Variants in REM1 observed in about 807,000 individuals in gnomAD.
REM1 encodes RRAD and GEM like GTPase 1, also known as GTP-binding protein REM 1.
In REM1, 20 loss-of-function variants were observed where a neutral mutation model predicts 27.0. The observed-to-expected ratio is 0.74, with a 90% CI of 0.52 to 1.08. The LOEUF (loss-of-function observed/expected upper bound fraction) is 1.08, where lower values mean the gene tolerates loss of function less well. Among genes scored for constraint, REM1 ranks in the 50% least tolerant of loss-of-function variants. The probability of loss-of-function intolerance (pLI) is 0.00; values close to 1 mark genes in which losing one functional copy is unlikely to be tolerated. For synonymous variants in REM1, 159 were observed against 167.9 expected, an observed-to-expected ratio of 0.95 and a Z score of 0.41; for missense variants, 405 against 407.0, an observed-to-expected ratio of 1.00 and a Z score of 0.04.
intron 3 of REM1, among the ~76,000 whole-genome samples, chr20:31,481,996 G>A (rs1246656023): frequency 6.6e-6 from 1 of 152,182 alleles, no homozygotes; most frequent in Non-Finnish European, 1.5e-5. Flanking sequence ...GCAGGAACAG[G>A]AACCAAGTAA....
rs1194665675 is a variant in REM1 at position 31,476,312 on chromosome 20, G to A, written c.-134G>A. ...CCTCCTACTCCCATCTGAACAAGAGGGGGATCTGGAAGAAGCCATACAGCA... is the reference window on the plus strand; with the variant it reads ...CCTCCTACTCCCATCTGAACAAGAGAGGGATCTGGAAGAAGCCATACAGCA... On this transcript the variant is annotated 5_prime_UTR_variant, in exon 2 of 5. Transcript: ENST00000201979. 1 of 726,290 alleles carries A rather than the reference G, an allele frequency of 1.4e-6. No individual in the cohort carries two copies. Among genetic ancestry groups the A allele is most frequent in the African/African-American group, 1.8e-5 (1 of 56,228 alleles). 45.0% of individuals were successfully genotyped at this position (726,290 alleles called of 1,614,324 possible). A position where few individuals can be genotyped will look rare whatever the true frequency, so the allele number is the denominator to read the frequency against.
Position 31,476,693 on chromosome 20 carries a change from T to C in REM1, c.248T>C (p.Val83Ala). Residue 83 changes from valine to alanine, a missense_variant, in exon 2 of 5, where the codon GTG becomes GCG. Physicochemically the swap from Val to Ala is moderately conservative, Grantham distance 64. Coordinates refer to ENST00000201979, the MANE Select transcript of REM1 (RefSeq NM_014012.6). ...SEGSWEALYR[V>A]VLLGDPGVGK... ...GGCTCCTGGGAGGCTCTCTACCGTG[T>C]GGTGCTACTTGGAGATCCTGGAGTG... 1 of 1,614,054 alleles carries C rather than the reference T, an allele frequency of 6.2e-7. No individual in the cohort carries two copies. The highest frequency in any genetic ancestry group is 8.5e-7 in the Non-Finnish European group (1 of 1,179,986).
At chr20:31,478,833 TC>T (rs1568762151) in intron 3 of REM1, among the ~76,000 whole-genome samples, 1 of 151,280 alleles carries the variant, frequency 6.6e-6, no homozygotes, top group Non-Finnish European at 1.5e-5. Context: ...TAGATCTTAT[TC>T]TTTTTTTTTT....
intron 4 of REM1, among the ~76,000 whole-genome samples, chr20:31,483,649 A>C (rs1394292508): frequency 1.3e-5 from 2 of 152,102 alleles, no homozygotes; most frequent in Non-Finnish European, 2.9e-5. Flanking sequence ...TAAAATCTAA[A>C]AAAATGTGTA....
Position 31,476,520 on chromosome 20 carries a change from A to C in REM1, c.75A>C (p.Pro25=). The change falls in exon 2 of 5, where the codon CCA becomes CCC. Residue 25 remains proline (P), a synonymous_variant. Coordinates refer to ENST00000201979, the MANE Select transcript of REM1 (RefSeq NM_014012.6). ...CCAGCACCCCACTGCCCCTGTCCCC[A>C]CGGGGCCACCAGCCTGGCCGCCTGA... The part of the protein sequence containing the change: ...RRASTPLPLS[P]RGHQPGRLST... 1 of 1,613,864 alleles carries C rather than the reference A, an allele frequency of 6.2e-7. No individual in the cohort carries two copies. Among genetic ancestry groups the C allele is most frequent in the Non-Finnish European group, 8.5e-7 (1 of 1,179,924 alleles).
chr20:31,479,017 T>C (rs951794242), intron 3 of REM1, among the ~76,000 whole-genome samples: 4 of 152,106 alleles, frequency 2.6e-5, no homozygotes, highest in Non-Finnish European at 2.9e-5. Context: ...GTATTTTTAG[T>C]AGAGACAGGG....
In REM1 at chr20:31,484,235, G is replaced by A. The variant is rs574634636; in HGVS notation, c.702G>A (p.Glu234=). The change falls in exon 5 of 5, where the codon GAG becomes GAA. Residue 234 remains glutamate, a synonymous_variant. Coordinates refer to ENST00000201979, the MANE Select transcript of REM1 (RefSeq NM_014012.6). ...TSATLQHNVA[E]LFEGVVRQLR... Reference sequence around the variant, plus strand: ...CCACGCTGCAGCACAATGTGGCCGAGCTCTTCGAGGGCGTGGTGCGCCAAC... The same window carrying A: ...CCACGCTGCAGCACAATGTGGCCGAACTCTTCGAGGGCGTGGTGCGCCAAC... The A allele has an allele frequency of 6.2e-7, 1 of 1,607,684 alleles. No homozygotes were observed. Among genetic ancestry groups the A allele is most frequent in the South Asian group, 1.1e-5 (1 of 89,638 alleles).
chr20:31,480,877 T>A (rs1473501575), intron 3 of REM1, among the ~76,000 whole-genome samples: 1 of 152,204 alleles, frequency 6.6e-6, no homozygotes, highest in Non-Finnish European at 1.5e-5. Flanking sequence ...TGGGAAATGA[T>A]CAGTATGGCT....
At position 31,484,451 on chromosome 20, in the gene REM1, G is replaced by A; in HGVS notation, c.*21G>A. 6.8e-7 allele frequency: 1 copy of A among 1,463,940 alleles called. No homozygotes were observed. Among genetic ancestry groups the A allele is most frequent in the Non-Finnish European group, 9.0e-7 (1 of 1,105,886 alleles). 90.7% of individuals were successfully genotyped at this position (1,463,940 alleles called of 1,614,324 possible). On this transcript the variant is annotated 3_prime_UTR_variant, in exon 5 of 5. Transcript: ENST00000201979. The stretch of plus-strand genomic sequence containing the variant: ...TCTGAAGCCCCCCGCCCTTCTGAGA[G>A]TTGGCGGGTCACTGAGGTGCATTCT...
rs372672371 is a variant in REM1 at position 31,476,504 on chromosome 20, C to T, written c.59C>T (p.Pro20Leu). 4.5e-5 allele frequency: 72 copies of T among 1,613,528 alleles called. No homozygotes were observed. Among genetic ancestry groups the T allele is most frequent in the Non-Finnish European group, 5.6e-5 (66 of 1,179,790 alleles). Residue 20 changes from proline (P) to leucine (L), a missense_variant, in exon 2 of 5, where the codon CCA becomes CTA. Physicochemically the swap from Pro to Leu is moderately conservative, Grantham distance 98. Transcript: ENST00000201979. ...CCTCTGCACCGGCGAGCCAGCACCC[C>T]ACTGCCCCTGTCCCCACGGGGCCAC... ...KTPLHRRAST[P>L]LPLSPRGHQP... is the part of the protein sequence containing the mutation.
Position 31,483,004 on chromosome 20 carries a change from T to A in REM1, c.625+516T>A, listed in dbSNP as rs186788399. 5.9e-3 allele frequency among the ~76,000 whole-genome samples: 894 copies of A among 151,848 alleles called. 2 individuals carry two copies. The highest frequency in any genetic ancestry group is 0.014 in the Middle Eastern group (4 of 294). On this transcript the variant is annotated intron_variant, in intron 4 of 4. Coordinates refer to ENST00000201979, the MANE Select transcript of REM1 (RefSeq NM_014012.6). ...TTAAAAATAATTTTAGCTCTTTTTT[T>A]AAAAAAAAATTCTGGCCAGGCCCAG...
At chr20:31,484,083 A>G (rs1234559330) in intron 4 of REM1, 76 bp from the exon 5 acceptor site, 8 of 1,445,776 alleles carry the variant, frequency 5.5e-6, no homozygotes, top group South Asian at 1.4e-5. Context: ...AATCGAGACT[A>G]AACACATCTC....
intron 3 of REM1, among the ~76,000 whole-genome samples, chr20:31,479,924 T>G (rs1314330197): frequency 6.6e-6 from 1 of 152,044 alleles, no homozygotes. Context: ...ACCCCATCTC[T>G]ACTAAAAATA....
chr20:31,476,403 T>C lies in REM1; in HGVS notation c.-43T>C. ...TGGCTGACAGCCAATTCCCCCTTCTTTCAGAAGGAAAGAAGGAAGAAGCAA... is the reference window on the plus strand; with the variant it reads ...TGGCTGACAGCCAATTCCCCCTTCTCTCAGAAGGAAAGAAGGAAGAAGCAA... On this transcript the variant is annotated 5_prime_UTR_variant, in exon 2 of 5. Coordinates refer to ENST00000201979, the MANE Select transcript of REM1 (RefSeq NM_014012.6). 4 of 1,475,224 alleles carry C rather than the reference T, an allele frequency of 2.7e-6. No homozygotes were observed. The highest frequency in any genetic ancestry group is 3.7e-6 in the Non-Finnish European group (4 of 1,092,032). The allele number at this position is 1,475,224 out of a possible 1,614,324, so 91.4% of individuals were successfully genotyped here. A position where few individuals can be genotyped will look rare whatever the true frequency, so the allele number is the denominator to read the frequency against.
In REM1 at chr20:31,484,236, C is replaced by G. The variant is rs752607722; in HGVS notation, c.703C>G (p.Leu235Val). Residue 235 changes from leucine to valine, a missense_variant, in exon 5 of 5, where the codon CTC becomes GTC. Transcript: ENST00000201979. ...SATLQHNVAELFEGVVRQLRL... is the reference protein window; with the variant it reads ...SATLQHNVAEVFEGVVRQLRL... ...CACGCTGCAGCACAATGTGGCCGAG[C>G]TCTTCGAGGGCGTGGTGCGCCAACT... The G allele has an allele frequency of 6.2e-7, 1 of 1,607,778 alleles. No homozygotes were observed. The highest frequency in any genetic ancestry group is 8.5e-7 in the Non-Finnish European group (1 of 1,178,088).
intron 3 of REM1, 31 bp downstream of exon 3, chr20:31,477,941 G>T: frequency 7.0e-7 from 1 of 1,418,452 alleles, no homozygotes; most frequent in Non-Finnish European, 9.9e-7. Context: ...TTTGGGGAGA[G>T]GGGTGCTGAG....
Position 31,484,395 on chromosome 20 carries a change from C to A in REM1, c.862C>A (p.Arg288Ser). The A allele has an allele frequency of 6.5e-7, 1 of 1,540,356 alleles. No homozygotes were observed. Among genetic ancestry groups the A allele is most frequent in the South Asian group, 1.2e-5 (1 of 81,512 alleles). Reference protein sequence around the residue: ...RSARRRALKARSKSCHNLAVL With the variant: ...RSARRRALKASSKSCHNLAVL ...CGCACGCCGCCGGGCACTCAAGGCC[C>A]GCTCCAAGTCCTGCCACAATCTGGC... Residue 288 changes from arginine to serine, a missense_variant, in exon 5 of 5, where the codon CGC (arginine) becomes AGC (serine). Physicochemically the swap from Arg to Ser is moderately radical, Grantham distance 110. Coordinates refer to ENST00000201979, the MANE Select transcript of REM1 (RefSeq NM_014012.6).
chr20:31,484,726 C>T lies in REM1; in HGVS notation c.*296C>T. 1 of 421,700 alleles carries T rather than the reference C, an allele frequency of 2.4e-6. No homozygotes were observed. Among genetic ancestry groups the T allele is most frequent in the Non-Finnish European group, 4.2e-6 (1 of 238,442 alleles). The allele number at this position is 421,700 out of a possible 1,614,324, so 26.1% of individuals were successfully genotyped here. ...CTGGGCTCTGGCCAACCCTCAGAAA[C>T]CCTCACAATAAACCAGACCAGAAGG... is the stretch of plus-strand genomic sequence containing the variant. On this transcript the variant is annotated 3_prime_UTR_variant, in exon 5 of 5. Transcript: ENST00000201979.
intron 3 of REM1, among the ~76,000 whole-genome samples, chr20:31,478,479 G>A (rs2122472370): frequency 6.6e-6 from 1 of 152,282 alleles, no homozygotes; most frequent in South Asian, 2.1e-4. Context: ...TTATGACTTG[G>A]TAGCTAGAGA....
Sources: gnomAD v4.1 joint callset for allele counts (sites outside exome capture counted in the v4.1 genomes callset) on GRCh38, gnomAD v4.1.1 for gene constraint, MANE v1.5 for transcripts, NCBI Gene and HGNC (gene_info 2026-07-23, HGNC 2026-07-21) for gene names.